The following SYT16 variants were observed in gnomAD, a reference collection of about 807,000 sequenced individuals.
The protein encoded by SYT16 is synaptotagmin 16.
Under a neutral mutation model 61.4 loss-of-function variants are expected in SYT16, and 42 were observed. The ratio of observed to expected loss-of-function variants is 0.68; its 90% CI spans 0.53 to 0.89. The LOEUF (loss-of-function observed/expected upper bound fraction) is 0.89. Among genes scored for constraint, SYT16 ranks in the 40% least tolerant of loss-of-function variants. The pLI is 0.00. For missense variants in SYT16, 804 were observed against 807.3 expected (o/e 1.00, Z 0.05); for synonymous variants, 314 against 302.3 (o/e 1.04, Z -0.40).
At chr14:62,025,448 A>G (rs2054065966) in intron 3 of SYT16, among the ~76,000 whole-genome samples, 1 of 151,860 alleles carries the variant, frequency 6.6e-6, no homozygotes, top group Non-Finnish European at 1.5e-5. Context: ...TGGGTTTTTC[A>G]TTTCCTTACT....
At chr14:61,960,373 T>C (rs1048460568) in intron 1 of SYT16, among the ~76,000 whole-genome samples, 2 of 152,202 alleles carry the variant, frequency 1.3e-5, no homozygotes, top group Non-Finnish European at 2.9e-5. Context: ...ATCTCTAATT[T>C]CTTTGAGCAG....
intron 1 of SYT16, among the ~76,000 whole-genome samples, chr14:61,833,959 C>A (rs1270355296): frequency 7.1e-6 from 1 of 140,066 alleles, no homozygotes; most frequent in African/African-American, 2.7e-5. Flanking sequence ...ATTGCTGAAG[C>A]TCTGGCTTTG....
chr14:61,996,475 T>C lies in SYT16; in HGVS notation c.456T>C (p.Ser152=). 1.9e-6 allele frequency: 3 copies of C among 1,613,226 alleles called. No individual in the cohort carries two copies. The highest frequency in any genetic ancestry group is 2.5e-6 in the Non-Finnish European group (3 of 1,179,454). Residue 152 remains serine (S), a synonymous_variant, in exon 3 of 8, where the codon AGT becomes AGC. Coordinates refer to ENST00000683842, the MANE Select transcript of SYT16 (RefSeq NM_001367656.1). ...EEEHHLEKQR[S]GLQHGFDSQL... ...AGCATCACCTTGAAAAGCAAAGAAG[T>C]GGCCTTCAACATGGCTTTGACAGCC... is the stretch of plus-strand genomic sequence containing the variant.
At chr14:61,887,687 A>G (rs2047962355) in intron 1 of SYT16, among the ~76,000 whole-genome samples, 1 of 152,070 alleles carries the variant, frequency 6.6e-6, no homozygotes, top group African/African-American at 2.4e-5. Flanking sequence ...TCATGAACCA[A>G]CCTCAGTGAG....
intron 3 of SYT16, among the ~76,000 whole-genome samples, chr14:62,032,186 A>G (rs756625015): frequency 2.6e-5 from 4 of 152,196 alleles, no homozygotes; most frequent in Admixed American, 6.6e-5. Flanking sequence ...GAAGGGTAGA[A>G]GCTTAAAAGA....
At position 62,104,674 on chromosome 14, in the gene SYT16, G is replaced by T. The variant is rs1258741024; in HGVS notation, c.*3967G>T. 3 of 152,196 alleles carry T rather than the reference G, an allele frequency of 2.0e-5. No homozygotes were observed. Among genetic ancestry groups the T allele is most frequent in the African/African-American group, 7.2e-5 (3 of 41,440 alleles). The allele number at this position is 152,196 out of a possible 1,614,324, so 9.4% of individuals were successfully genotyped here. A position where few individuals can be genotyped will look rare whatever the true frequency, so the allele number is the denominator to read the frequency against. ...TTAAAGATGGGAGAAACGAAACTGT[G>T]CTAAGACAATGAGATTGGCATAGCA... On this transcript the variant is annotated 3_prime_UTR_variant, in exon 8 of 8. Coordinates refer to ENST00000683842, the MANE Select transcript of SYT16 (RefSeq NM_001367656.1).
At chr14:61,976,890 A>G (rs1314979539) in intron 2 of SYT16, among the ~76,000 whole-genome samples, 1 of 151,590 alleles carries the variant, frequency 6.6e-6, no homozygotes, top group Non-Finnish European at 1.5e-5. Flanking sequence ...TTTCTATTGC[A>G]TAGTCAGGAT....
chr14:61,836,531 A>C (rs2046135424), intron 1 of SYT16, among the ~76,000 whole-genome samples: 2 of 152,198 alleles, frequency 1.3e-5, no homozygotes, highest in Admixed American at 6.5e-5. Context: ...ATTCTCCTAC[A>C]TTCCTTCCCC....
chr14:61,983,249 A>C (rs1238961932), intron 2 of SYT16, among the ~76,000 whole-genome samples: 1 of 152,162 alleles, frequency 6.6e-6, no homozygotes. Context: ...AAGAAAGAGC[A>C]TGTCTGTGTT....
chr14:62,022,231 T>C (rs191864883), intron 3 of SYT16, among the ~76,000 whole-genome samples: 5 of 152,296 alleles, frequency 3.3e-5, no homozygotes, highest in African/African-American at 1.2e-4. Context: ...AGTGCCAGTT[T>C]GCTGGTTATG....
At chr14:62,002,116 T>C (rs2053042446) in intron 3 of SYT16, among the ~76,000 whole-genome samples, 1 of 152,118 alleles carries the variant, frequency 6.6e-6, no homozygotes, top group South Asian at 2.1e-4. Context: ...CTTTGTTTCT[T>C]TTTTGTTTGT....
At chr14:61,968,089 C>T (rs1328883693) in intron 1 of SYT16, among the ~76,000 whole-genome samples, 2 of 152,030 alleles carry the variant, frequency 1.3e-5, no homozygotes, top group Admixed American at 1.3e-4. Flanking sequence ...ACCGAAACCC[C>T]GTCTCTACTA....
intron 1 of SYT16, among the ~76,000 whole-genome samples, chr14:61,947,170 G>A (rs1003675396): frequency 1.9e-4 from 29 of 152,088 alleles, no homozygotes; most frequent in Admixed American, 6.5e-4. Context: ...AGCCAGTACC[G>A]TCAGAATGCA....
intron 1 of SYT16, chr14:61,864,941 C>A (rs1334531575): frequency 1.5e-6 from 2 of 1,299,462 alleles, no homozygotes; most frequent in Non-Finnish European, 2.2e-6. Flanking sequence ...GGGCTGCCTG[C>A]AGGCCTTGAA....
At chr14:61,973,314 A>G (rs933667283) in intron 2 of SYT16, among the ~76,000 whole-genome samples, 1 of 152,228 alleles carries the variant, frequency 6.6e-6, no homozygotes, top group African/African-American at 2.4e-5. Flanking sequence ...TGTTTTCCTA[A>G]TAACATAGGT....
chr14:61,845,039 C>CTTTTTTTTTTTTTT (rs35131511), intron 1 of SYT16, among the ~76,000 whole-genome samples: 2 of 97,614 alleles, frequency 2.0e-5, no homozygotes, highest in African/African-American at 9.5e-5. Flanking sequence ...TACTAGAAGA[C>CTTTTTTTTTTTTTT]TTTTTTTTTT....
intron 3 of SYT16, among the ~76,000 whole-genome samples, chr14:62,032,743 C>G (rs1400376208): frequency 6.6e-6 from 1 of 151,264 alleles, no homozygotes; most frequent in East Asian, 1.9e-4. Flanking sequence ...GTAAATTTAA[C>G]AGATTAAAAT....
rs2056304401 is a variant in SYT16 at position 62,071,648 on chromosome 14, T to C, written c.736+1833T>C. On this transcript the variant is annotated intron_variant, in intron 4 of 7. Coordinates refer to ENST00000683842, the MANE Select transcript of SYT16 (RefSeq NM_001367656.1). ...TTTTGTTCATCTTTATATCAGTGGA[T>C]TTTTTTCAGTGGTAAAGAATCATGA... is the stretch of plus-strand genomic sequence containing the variant. Among the ~76,000 whole-genome samples, 2 of 152,300 alleles carry C rather than the reference T, an allele frequency of 1.3e-5. 1 individual carries two copies. Among genetic ancestry groups the C allele is most frequent in the South Asian group, 4.1e-4 (2 of 4,820 alleles).
chr14:61,867,818 T>C (rs555664108), intron 1 of SYT16, among the ~76,000 whole-genome samples: 1 of 152,188 alleles, frequency 6.6e-6, no homozygotes, highest in African/African-American at 2.4e-5. Flanking sequence ...ATGCTCTTTA[T>C]GAAGTTGAGG....
Sources: allele counts gnomAD v4.1 joint callset (sites outside exome capture counted in the v4.1 genomes callset), GRCh38; gene constraint gnomAD v4.1.1; transcripts MANE v1.5; gene names NCBI Gene and HGNC (gene_info 2026-07-23, HGNC 2026-07-21).